PRKCZ: variants seen among roughly 807,000 people sequenced by gnomAD.
The protein encoded by PRKCZ is protein kinase C zeta.
A neutral mutation model predicts 79.5 loss-of-function variants in PRKCZ; 33 were observed. That is an observed-to-expected ratio of 0.41 (90% CI 0.31 to 0.55). PRKCZ has a LOEUF of 0.55. PRKCZ is among the 20% of genes least tolerant of loss of function. The pLI is 0.19. For synonymous variants in PRKCZ, 342 were observed against 320.9 expected (o/e 1.07, Z -0.70); for missense variants, 578 against 813.5 (o/e 0.71, Z 3.52).
intron 4 of PRKCZ, among the ~76,000 whole-genome samples, chr1:2,087,863 CG>C (rs1557528523): frequency 2.6e-5 from 4 of 152,168 alleles, no homozygotes; most frequent in African/African-American, 7.2e-5. Flanking sequence ...GTCCGGGCAC[CG>C]GGGGCAGCAT....
At chr1:2,169,672 TG>T in intron 11 of PRKCZ, 68 bp downstream of exon 11, 1 of 386,602 alleles carries the variant, frequency 2.6e-6, no homozygotes. Context: ...CGTGCGGTGT[TG>T]GGGGGCTGGG....
intron 4 of PRKCZ, among the ~76,000 whole-genome samples, chr1:2,103,195 CTG>C (rs1292466793): frequency 6.6e-6 from 1 of 152,188 alleles, no homozygotes; most frequent in Non-Finnish European, 1.5e-5. Context: ...ACTCATATCT[CTG>C]TTTCCACAGT....
chr1:2,076,420 T>C (rs1662434094), intron 4 of PRKCZ, among the ~76,000 whole-genome samples: 1 of 152,064 alleles, frequency 6.6e-6, no homozygotes, highest in Non-Finnish European at 1.5e-5. Flanking sequence ...CCTCCAGAAA[T>C]GTTTGTCATT....
At chr1:2,104,632 G>A (rs1668050871) in intron 4 of PRKCZ, 1 of 968,550 alleles carries the variant, frequency 1.0e-6, no homozygotes, top group African/African-American at 1.8e-5. Context: ...GTGGAGCCCA[G>A]GCAGGGAGCA....
At chr1:2,160,897 G>A (rs569259103) in intron 10 of PRKCZ, among the ~76,000 whole-genome samples, 11 of 152,270 alleles carry the variant, frequency 7.2e-5, no homozygotes, top group African/African-American at 2.6e-4. Flanking sequence ...AAAGAGGTGA[G>A]GGTGTGACGG....
At chr1:2,170,547 T>A (rs1263521016) in intron 11 of PRKCZ, among the ~76,000 whole-genome samples, 2 of 152,222 alleles carry the variant, frequency 1.3e-5, no homozygotes, top group African/African-American at 2.4e-5. Flanking sequence ...TGGCGTTGAA[T>A]GCACCCCATG....
At chr1:2,105,926 C>T (rs980206666) in intron 4 of PRKCZ, among the ~76,000 whole-genome samples, 3 of 152,166 alleles carry the variant, frequency 2.0e-5, no homozygotes, top group Non-Finnish European at 4.4e-5. Context: ...GAGGCCCCAC[C>T]CCCCCACACA....
At chr1:2,085,861 T>A (rs1023416385) in intron 4 of PRKCZ, among the ~76,000 whole-genome samples, 7 of 152,020 alleles carry the variant, frequency 4.6e-5, no homozygotes, top group African/African-American at 1.7e-4. Context: ...TCTGCACTCA[T>A]GGGTGGGTTT....
At chr1:2,097,576 C>A (rs1032664283) in intron 4 of PRKCZ, among the ~76,000 whole-genome samples, 22 of 152,176 alleles carry the variant, frequency 1.4e-4, no homozygotes, top group African/African-American at 5.3e-4. Flanking sequence ...TTGTGTGCGT[C>A]CCTCAGCCCA....
intron 3 of PRKCZ, 78 bp from the exon 4 acceptor site, chr1:2,059,463 G>A (rs1318883674): frequency 2.6e-6 from 4 of 1,555,304 alleles, no homozygotes; most frequent in South Asian, 1.1e-5. Context: ...CAGCCTGACT[G>A]AGGCGGGACT....
intron 4 of PRKCZ, chr1:2,074,598 C>T (rs1662045171): frequency 2.3e-5 from 11 of 479,730 alleles, no homozygotes; most frequent in Middle Eastern, 5.6e-4. Flanking sequence ...CTTTCCGTCT[C>T]GAGCCTGCCC....
chr1:2,060,814 CA>C (rs1459000095), intron 4 of PRKCZ, among the ~76,000 whole-genome samples: 1 of 152,100 alleles, frequency 6.6e-6, no homozygotes, highest in African/African-American at 2.4e-5. Flanking sequence ...TGTGAGGAGG[CA>C]GGGGGCGGGG....
At chr1:2,064,671 A>G (rs1660973999) in intron 4 of PRKCZ, among the ~76,000 whole-genome samples, 2 of 152,178 alleles carry the variant, frequency 1.3e-5, no homozygotes, top group Admixed American at 1.3e-4. Flanking sequence ...TTCACCATAT[A>G]TGGGAGGGTT....
At chr1:2,112,439 C>G (rs1669927700) in intron 4 of PRKCZ, among the ~76,000 whole-genome samples, 1 of 152,108 alleles carries the variant, frequency 6.6e-6, no homozygotes, top group Non-Finnish European at 1.5e-5. Context: ...GAACCCCTGC[C>G]CCGTGAACAC....
intron 4 of PRKCZ, among the ~76,000 whole-genome samples, chr1:2,131,585 AC>A (rs1198135587): frequency 4.6e-5 from 7 of 152,206 alleles, no homozygotes; most frequent in Non-Finnish European, 1.0e-4. Flanking sequence ...TATTCAACAT[AC>A]CATTTGACAC....
intron 16 of PRKCZ, chr1:2,182,696 C>T (rs1686849241): frequency 6.5e-6 from 1 of 154,908 alleles, no homozygotes; most frequent in Non-Finnish European, 1.5e-5. Context: ...ATCCTCCCCT[C>T]AAGCCTGGTG....
chr1:2,106,098 A>T (rs1329597189), intron 4 of PRKCZ, among the ~76,000 whole-genome samples: 1 of 152,182 alleles, frequency 6.6e-6, no homozygotes. Context: ...CTCGCCCAGG[A>T]CTTCGATGGG....
At chr1:2,161,993 G>A (rs181412071) in intron 10 of PRKCZ, among the ~76,000 whole-genome samples, 2 of 152,030 alleles carry the variant, frequency 1.3e-5, no homozygotes, top group Admixed American at 6.6e-5. Context: ...AAGAACCTTC[G>A]TCCGCACTCC....
chr1:2,063,337 G>A (rs185770593), intron 4 of PRKCZ, among the ~76,000 whole-genome samples: 33 of 152,314 alleles, frequency 2.2e-4, no homozygotes, highest in Non-Finnish European at 3.4e-4. Context: ...TTTTGAGATA[G>A]CGTCTCGCTC....
Sources: gnomAD v4.1 joint callset for allele counts (sites outside exome capture counted in the v4.1 genomes callset) on GRCh38, gnomAD v4.1.1 for gene constraint, MANE v1.5 for transcripts, NCBI Gene and HGNC (gene_info 2026-07-23, HGNC 2026-07-21) for gene names.